The following BBX variants were observed in gnomAD, a reference collection of about 807,000 sequenced individuals.
The protein encoded by BBX is BBX high mobility group box domain containing.
Under a neutral mutation model 100.2 loss-of-function variants are expected in BBX, and 30 were observed. That is an observed-to-expected ratio of 0.30 (90% CI 0.22 to 0.41). The LOEUF (loss-of-function observed/expected upper bound fraction) is 0.41, where lower values mean the gene tolerates loss of function less well. Among genes scored for constraint, BBX ranks in the 10% least tolerant of loss-of-function variants. The pLI is 1.00. For missense variants in BBX, 1,023 were observed against 1,129.8 expected, an observed-to-expected ratio of 0.91 and a Z score of 1.35; for synonymous variants, 376 against 388.1, an observed-to-expected ratio of 0.97 and a Z score of 0.37.
At chr3:107,698,131 A>C (rs769088003) in intron 3 of BBX, among the ~76,000 whole-genome samples, 41 of 151,798 alleles carry the variant, frequency 2.7e-4, no homozygotes, top group South Asian at 6.2e-4. Flanking sequence ...GGTACCTCAG[A>C]TGGAAATGCA....
chr3:107,727,092 A>AC lies in BBX; in HGVS notation c.406-1665dup, dbSNP rs377736032. On this transcript the variant is annotated intron_variant, in intron 5 of 17. Transcript: ENST00000325805. Reference sequence around the variant, plus strand: ...ACTTTCTTCTTAAAAATTTTAAACTACCCCCCCCAAAAAAAATAGATAATT... The same window carrying AC: ...ACTTTCTTCTTAAAAATTTTAAACTACCCCCCCCCAAAAAAAATAGATAATT... Among the ~76,000 whole-genome samples the AC allele has an allele frequency of 5.9e-3, 881 of 149,996 alleles. 6 individuals carry two copies. Among genetic ancestry groups the AC allele is most frequent in the Middle Eastern group, 0.01 (3 of 290 alleles).
chr3:107,609,410 T>C (rs1319694834), intron 2 of BBX, among the ~76,000 whole-genome samples: 2 of 152,088 alleles, frequency 1.3e-5, no homozygotes, highest in Non-Finnish European at 2.9e-5. Context: ...AGAATGAGTT[T>C]AGAAGTATTC....
chr3:107,784,518 A>T (rs2068222456), intron 13 of BBX, among the ~76,000 whole-genome samples: 1 of 152,002 alleles, frequency 6.6e-6, no homozygotes, highest in African/African-American at 2.4e-5. Context: ...GGAGAAACTC[A>T]CGAATATATA....
chr3:107,660,274 A>G (rs1167608904), intron 3 of BBX, among the ~76,000 whole-genome samples: 2 of 152,098 alleles, frequency 1.3e-5, no homozygotes, highest in African/African-American at 2.4e-5. Flanking sequence ...TTTCCAAATA[A>G]ATTGCATAAA....
intron 2 of BBX, among the ~76,000 whole-genome samples, chr3:107,638,109 G>GTC (rs1268051432): frequency 2.0e-5 from 3 of 152,112 alleles, no homozygotes; most frequent in African/African-American, 7.2e-5. Flanking sequence ...GTACAGGCAG[G>GTC]TCTCACTGTA....
At chr3:107,589,396 A>C (rs577752355) in intron 2 of BBX, among the ~76,000 whole-genome samples, 98 of 152,334 alleles carry the variant, frequency 6.4e-4, no homozygotes, top group Non-Finnish European at 8.8e-4. Context: ...CCTAATTCTG[A>C]ACTCTTTTTC....
At chr3:107,648,046 A>G (rs986371330) in intron 3 of BBX, among the ~76,000 whole-genome samples, 2 of 152,158 alleles carry the variant, frequency 1.3e-5, no homozygotes, top group Non-Finnish European at 2.9e-5. Context: ...ATAGGGAAAG[A>G]CTGATAGGGA....
At position 107,729,322 on chromosome 3, in the gene BBX, A is replaced by T. The variant is rs376995847; in HGVS notation, c.601+362A>T. ...CATCCCAGGATGCACCTTAGTTATC[A>T]TGCTACTTAAACAGCTACAGTCATG... On this transcript the variant is annotated intron_variant, in intron 6 of 17. Coordinates refer to ENST00000325805, the MANE Select transcript of BBX (RefSeq NM_001142568.3). 4.6e-5 allele frequency among the ~76,000 whole-genome samples: 7 copies of T among 152,116 alleles called. No homozygotes were observed. In the South Asian group the frequency reaches 1.5e-3, roughly 32 times the overall value.
intron 9 of BBX, 126 bp downstream of exon 9, chr3:107,748,165 A>G: frequency 3.0e-6 from 2 of 674,870 alleles, no homozygotes; most frequent in Non-Finnish European, 2.4e-6. Context: ...CATAATACAC[A>G]TAACAGAATA....
chr3:107,674,980 G>T (rs2107942876), intron 3 of BBX: 1 of 152,320 alleles, frequency 6.6e-6, no homozygotes, highest in East Asian at 1.9e-4. Context: ...GCTAAGGCAT[G>T]CTCCTGCTTA....
chr3:107,603,444 T>A (rs1559862590), intron 2 of BBX, among the ~76,000 whole-genome samples: 1 of 152,078 alleles, frequency 6.6e-6, no homozygotes, highest in Non-Finnish European at 1.5e-5. Flanking sequence ...AGTGGTGGGA[T>A]CTCAGCTCAC....
chr3:107,603,943 G>C (rs567032852), intron 2 of BBX, among the ~76,000 whole-genome samples: 2 of 152,162 alleles, frequency 1.3e-5, no homozygotes, highest in African/African-American at 4.8e-5. Context: ...AAACCAAAAA[G>C]TTGGTGAGAC....
At chr3:107,637,081 CT>C (rs957782436) in intron 2 of BBX, among the ~76,000 whole-genome samples, 1 of 151,960 alleles carries the variant, frequency 6.6e-6, no homozygotes, top group African/African-American at 2.4e-5. Context: ...AATAATAGAC[CT>C]TTTTTTAGAA....
At chr3:107,584,150 ATATATGATATATATATTATTATATATAT>A (rs2052606772) in intron 2 of BBX, among the ~76,000 whole-genome samples, 5 of 17,320 alleles carry the variant, frequency 2.9e-4, no homozygotes, top group Non-Finnish European at 5.6e-4. Flanking sequence ...ATTATATATA[ATATATGATATATATATTATTATATATAT>A]TATATATAAT....
At chr3:107,638,284 A>G (rs1202012595) in intron 2 of BBX, among the ~76,000 whole-genome samples, 1 of 152,132 alleles carries the variant, frequency 6.6e-6, no homozygotes, top group Non-Finnish European at 1.5e-5. Context: ...CAAACTCCTG[A>G]GTTCAAGTGA....
At chr3:107,627,875 GCTT>G (rs2056299147) in intron 2 of BBX, among the ~76,000 whole-genome samples, 1 of 151,830 alleles carries the variant, frequency 6.6e-6, no homozygotes, top group Non-Finnish European at 1.5e-5. Flanking sequence ...TGAAAGAGTT[GCTT>G]CTTTTTTCTT....
intron 3 of BBX, among the ~76,000 whole-genome samples, chr3:107,699,784 G>T (rs896208042): frequency 4.0e-5 from 6 of 151,744 alleles, no homozygotes; most frequent in African/African-American, 9.7e-5. Context: ...CTCCACAAGG[G>T]TATGGTGGAG....
At chr3:107,581,785 A>T (rs2052297278) in intron 2 of BBX, among the ~76,000 whole-genome samples, 2 of 152,154 alleles carry the variant, frequency 1.3e-5, no homozygotes, top group African/African-American at 4.8e-5. Context: ...AGAATTTGTT[A>T]AATCTCATTC....
In BBX at chr3:107,703,569, A is replaced by G. The variant is rs868098925; in HGVS notation, c.-9-6883A>G. Among the ~76,000 whole-genome samples the G allele has an allele frequency of 9.8e-5, 15 of 152,326 alleles. No homozygotes were observed. In the South Asian group the frequency reaches 1.9e-3, roughly 19 times the overall value. Reference sequence around the variant, plus strand: ...CCCTTCTTTGAATAGTGGGTGCCTTATTAGTATTCATGAAGAGCATATCGA... The same window carrying G: ...CCCTTCTTTGAATAGTGGGTGCCTTGTTAGTATTCATGAAGAGCATATCGA... On this transcript the variant is annotated intron_variant, in intron 3 of 17. Transcript: ENST00000325805.
Sources: allele counts gnomAD v4.1 joint callset (sites outside exome capture counted in the v4.1 genomes callset), GRCh38; gene constraint gnomAD v4.1.1; transcripts MANE v1.5; gene names NCBI Gene and HGNC (gene_info 2026-07-23, HGNC 2026-07-21).